The following KIAA1217 variants were observed in gnomAD, a reference collection of about 807,000 sequenced individuals.
The protein encoded by KIAA1217 is KIAA1217.
A neutral mutation model predicts 163.9 loss-of-function variants in KIAA1217; 88 were observed. The ratio of observed to expected loss-of-function variants is 0.54; its 90% CI spans 0.45 to 0.64. The LOEUF (loss-of-function observed/expected upper bound fraction) is 0.64. Among genes scored for constraint, KIAA1217 ranks in the 30% least tolerant of loss-of-function variants. The pLI is 0.00. For synonymous variants in KIAA1217, 903 were observed against 923.1 expected, an observed-to-expected ratio of 0.98 and a Z score of 0.39; for missense variants, 2,372 against 2,475.0, an observed-to-expected ratio of 0.96 and a Z score of 0.88.
chr10:24,397,262 G>C (rs2055908901), intron 3 of KIAA1217, among the ~76,000 whole-genome samples: 1 of 151,968 alleles, frequency 6.6e-6, no homozygotes, highest in East Asian at 1.9e-4. Flanking sequence ...GCTAATTTTT[G>C]TATTTTTAAT....
Position 24,473,859 on chromosome 10 carries a change from A to C in KIAA1217, c.1478A>C (p.His493Pro). The part of the protein sequence containing the change: ...MIDMHAHYNA[H>P]GPPHTMQPDR... ...GACATGCACGCTCACTATAATGCCC[A>C]CGGCCCCCCTCACACCATGCAGCCA... The change falls in exon 6 of 21, where the codon CAC (histidine) becomes CCC (proline). Residue 493 changes from histidine (H) to proline (P), a missense_variant. Physicochemically the swap from His to Pro is moderately conservative, Grantham distance 77. Coordinates refer to ENST00000376454, the MANE Select transcript of KIAA1217 (RefSeq NM_019590.5). The C allele has an allele frequency of 1.9e-6, 3 of 1,614,044 alleles. No homozygotes were observed. The highest frequency in any genetic ancestry group is 2.5e-6 in the Non-Finnish European group (3 of 1,180,016).
intron 1 of KIAA1217, among the ~76,000 whole-genome samples, chr10:23,955,176 A>C (rs1844507646): frequency 6.6e-6 from 1 of 152,206 alleles, no homozygotes; most frequent in Non-Finnish European, 1.5e-5. Context: ...CAGAGGGGGT[A>C]AGCGGCAGAG....
intron 2 of KIAA1217, among the ~76,000 whole-genome samples, chr10:24,268,122 A>C (rs909890408): frequency 1.6e-4 from 25 of 152,196 alleles, no homozygotes; most frequent in Non-Finnish European, 3.4e-4. Context: ...GCTGTCTGTG[A>C]ATGGCAAAGG....
At position 24,543,158 on chromosome 10, in the gene KIAA1217, C is replaced by T. The variant is rs779684103; in HGVS notation, c.3888C>T (p.Thr1296=). Residue 1296 remains threonine, a synonymous_variant, in exon 19 of 21, where the codon ACC becomes ACT. Coordinates refer to ENST00000376454, the MANE Select transcript of KIAA1217 (RefSeq NM_019590.5). The part of the protein sequence containing the change: ...ISGLQYSIPD[T]ENQTLNYGKT... ...GCCTGCAATACTCTATACCTGACAC[C>T]GAGAACCAGACGCTGAATTACGGAA... 9.3e-6 allele frequency: 15 copies of T among 1,613,036 alleles called. No individual in the cohort carries two copies. The highest frequency in any genetic ancestry group is 6.7e-5 in the East Asian group (3 of 44,846).
At chr10:24,101,641 G>A (rs186403360) in intron 2 of KIAA1217, among the ~76,000 whole-genome samples, 13 of 152,174 alleles carry the variant, frequency 8.5e-5, no homozygotes, top group East Asian at 3.9e-4. Flanking sequence ...CAATGATTTC[G>A]ATATACTGAT....
chr10:23,980,533 T>C (rs1275542687), intron 1 of KIAA1217, among the ~76,000 whole-genome samples: 1 of 151,902 alleles, frequency 6.6e-6, no homozygotes, highest in African/African-American at 2.4e-5. Flanking sequence ...ACCAGGAGAG[T>C]GTCCCTCGGG....
chr10:23,979,097 G>A (rs1353016106), intron 1 of KIAA1217, among the ~76,000 whole-genome samples: 1 of 152,118 alleles, frequency 6.6e-6, no homozygotes, highest in Non-Finnish European at 1.5e-5. Context: ...TCTCCTCAAA[G>A]ACAAGTCTCA....
At chr10:24,152,659 A>G (rs2064674081) in intron 2 of KIAA1217, among the ~76,000 whole-genome samples, 1 of 151,818 alleles carries the variant, frequency 6.6e-6, no homozygotes, top group African/African-American at 2.4e-5. Flanking sequence ...GGCAGAACAT[A>G]TTACATCTTT....
At chr10:24,271,613 G>A (rs371398031) in intron 2 of KIAA1217, among the ~76,000 whole-genome samples, 6 of 152,148 alleles carry the variant, frequency 3.9e-5, no homozygotes, top group South Asian at 2.1e-4. Flanking sequence ...TTAGCCAGGC[G>A]TGGTGGCATG....
chr10:23,740,036 GT>G (rs1839021482), intron 1 of KIAA1217, among the ~76,000 whole-genome samples: 1 of 148,962 alleles, frequency 6.7e-6, no homozygotes, highest in African/African-American at 2.6e-5. Context: ...AGATGGGGGG[GT>G]TCCATTTTAT....
At chr10:23,756,288 G>A (rs933085071) in intron 1 of KIAA1217, among the ~76,000 whole-genome samples, 1 of 151,678 alleles carries the variant, frequency 6.6e-6, no homozygotes. Flanking sequence ...AGAAGTATAA[G>A]GTTTATAAAA....
chr10:24,413,083 C>T (rs1305142540), intron 3 of KIAA1217, among the ~76,000 whole-genome samples: 8 of 152,330 alleles, frequency 5.3e-5, no homozygotes, highest in African/African-American at 1.4e-4. Flanking sequence ...AGCCACTTCT[C>T]ACCATCTCTA....
intron 2 of KIAA1217, among the ~76,000 whole-genome samples, chr10:24,090,522 T>G (rs2061898636): frequency 6.6e-6 from 1 of 151,252 alleles, no homozygotes; most frequent in Non-Finnish European, 1.5e-5. Context: ...TAATCTTTCC[T>G]TTCTGTGCTC....
chr10:23,704,164 G>GTATATATATA (rs1353063268), intron 1 of KIAA1217, among the ~76,000 whole-genome samples: 2 of 80,594 alleles, frequency 2.5e-5, no homozygotes, highest in African/African-American at 1.2e-4. Context: ...GTGTGTGTGT[G>GTATATATATA]TGTGTGTGTA....
intron 1 of KIAA1217, among the ~76,000 whole-genome samples, chr10:23,987,051 T>A (rs146406543): frequency 5.3e-5 from 8 of 152,260 alleles, no homozygotes; most frequent in African/African-American, 1.7e-4. Flanking sequence ...GAACCCATCA[T>A]CTGTTATGCC....
chr10:24,500,543 AGTT>A (rs1180300475), intron 8 of KIAA1217, among the ~76,000 whole-genome samples: 1 of 152,018 alleles, frequency 6.6e-6, no homozygotes, highest in Admixed American at 6.6e-5. Flanking sequence ...TTACTAAAGG[AGTT>A]GTGTGCAGAT....
intron 2 of KIAA1217, among the ~76,000 whole-genome samples, chr10:24,337,567 CTTTG>C (rs1302896514): frequency 6.7e-6 from 1 of 150,166 alleles, no homozygotes; most frequent in Non-Finnish European, 1.5e-5. Flanking sequence ...TTTTTGTTTG[CTTTG>C]TTTTTGTTTT....
intron 1 of KIAA1217, among the ~76,000 whole-genome samples, chr10:23,964,486 A>G (rs991804595): frequency 1.3e-5 from 2 of 151,992 alleles, no homozygotes; most frequent in East Asian, 1.9e-4. Context: ...TTAGTGATGA[A>G]GTCTTTGCCC....
intron 1 of KIAA1217, among the ~76,000 whole-genome samples, chr10:24,214,329 C>CA (rs1169648781): frequency 6.6e-6 from 1 of 152,190 alleles, no homozygotes; most frequent in African/African-American, 2.4e-5. Context: ...AGACACAGCA[C>CA]AGTGTGATTT....
Sources: allele counts gnomAD v4.1 joint callset (sites outside exome capture counted in the v4.1 genomes callset), GRCh38; gene constraint gnomAD v4.1.1; transcripts MANE v1.5; gene names NCBI Gene and HGNC (gene_info 2026-07-23, HGNC 2026-07-21).